TMEM132C: variants seen among roughly 807,000 people sequenced by gnomAD.
TMEM132C encodes the protein protein phosphatase 1, regulatory subunit 152.
A neutral mutation model predicts 61.4 loss-of-function variants in TMEM132C; 29 were observed. The ratio of observed to expected loss-of-function variants is 0.47; its 90% confidence interval spans 0.35 to 0.64. The LOEUF (loss-of-function observed/expected upper bound fraction) is 0.64, where lower values mean the gene tolerates loss of function less well. Ranked by LOEUF, TMEM132C falls within the 30% of genes least tolerant of loss-of-function variation. The pLI is 0.00. For synonymous variants in TMEM132C, 656 were observed against 633.1 expected (o/e 1.04, Z -0.54); for missense variants, 1,408 against 1,476.9 (o/e 0.95, Z 0.76).
intron 1 of TMEM132C, among the ~76,000 whole-genome samples, chr12:128,359,489 G>A (rs1188744829): frequency 6.6e-6 from 1 of 152,154 alleles, no homozygotes; most frequent in East Asian, 1.9e-4. Context: ...TGAGATTTGG[G>A]TGGCGACACA....
intron 1 of TMEM132C, among the ~76,000 whole-genome samples, chr12:128,325,511 C>T (rs2092126952): frequency 1.3e-5 from 2 of 152,056 alleles, no homozygotes; most frequent in African/African-American, 2.4e-5. Context: ...TGTATACATG[C>T]ATGTATATAC....
chr12:128,470,466 C>T (rs911416196), intron 2 of TMEM132C, among the ~76,000 whole-genome samples: 1 of 152,130 alleles, frequency 6.6e-6, no homozygotes, highest in Non-Finnish European at 1.5e-5. Context: ...TGCTACCTCT[C>T]GGTCTTGGTA....
chr12:128,501,026 T>G (rs1177398509), intron 2 of TMEM132C, among the ~76,000 whole-genome samples: 3 of 152,202 alleles, frequency 2.0e-5, no homozygotes, highest in African/African-American at 7.2e-5. Context: ...AAGCATTGAT[T>G]CCTGCTACAA....
chr12:128,604,827 T>TGGGA (rs1208697979), intron 3 of TMEM132C, among the ~76,000 whole-genome samples: 2 of 140,198 alleles, frequency 1.4e-5, no homozygotes, highest in Non-Finnish European at 3.3e-5. Flanking sequence ...GATGGATGGA[T>TGGGA]AATAGATGGA....
intron 1 of TMEM132C, among the ~76,000 whole-genome samples, chr12:128,367,456 AG>A (rs2135978083): frequency 6.6e-6 from 1 of 152,326 alleles, no homozygotes; most frequent in East Asian, 1.9e-4. Context: ...TCCACCCCAG[AG>A]GGTTGGAAAA....
chr12:128,422,809 C>A (rs1438608809), intron 2 of TMEM132C, among the ~76,000 whole-genome samples: 1 of 152,214 alleles, frequency 6.6e-6, no homozygotes, highest in Admixed American at 6.5e-5. Context: ...GCACCTCCAC[C>A]TCTGCTCCAG....
chr12:128,340,938 CTCTCTCTTTCTT>C (rs1282686803), intron 1 of TMEM132C, among the ~76,000 whole-genome samples: 3 of 124,882 alleles, frequency 2.4e-5, no homozygotes, highest in African/African-American at 7.8e-5. Flanking sequence ...CTCTCTCTCT[CTCTCTCTTTCTT>C]TCTTTCTTTC....
At chr12:128,286,062 CCTCTCT>C (rs138264526) in intron 1 of TMEM132C, among the ~76,000 whole-genome samples, 3 of 92,258 alleles carry the variant, frequency 3.3e-5, no homozygotes, top group African/African-American at 3.9e-5. Flanking sequence ...TCTCTCCCTT[CCTCTCT>C]CTCTCTCTCT....
At chr12:128,566,241 G>T (rs1874700066) in intron 3 of TMEM132C, among the ~76,000 whole-genome samples, 1 of 149,582 alleles carries the variant, frequency 6.7e-6, no homozygotes. Context: ...AGCTTTCAGA[G>T]TCCCTTGCAT....
intron 3 of TMEM132C, among the ~76,000 whole-genome samples, chr12:128,600,271 C>G (rs551368654): frequency 6.6e-6 from 1 of 152,088 alleles, no homozygotes; most frequent in Non-Finnish European, 1.5e-5. Context: ...TGTGAGCCAC[C>G]GCACCGGGCC....
At chr12:128,351,786 T>A (rs893742991) in intron 1 of TMEM132C, among the ~76,000 whole-genome samples, 2 of 152,104 alleles carry the variant, frequency 1.3e-5, no homozygotes, top group Non-Finnish European at 2.9e-5. Flanking sequence ...TCCAAACACC[T>A]CCTAGCAGGC....
At chr12:128,279,131 C>G (rs1420915019) in intron 1 of TMEM132C, among the ~76,000 whole-genome samples, 2 of 152,102 alleles carry the variant, frequency 1.3e-5, no homozygotes, top group East Asian at 3.9e-4. Flanking sequence ...AAGATCTAGT[C>G]CCAGGCAAAG....
intron 3 of TMEM132C, among the ~76,000 whole-genome samples, chr12:128,553,173 C>A (rs1874228457): frequency 6.6e-6 from 1 of 152,290 alleles, no homozygotes; most frequent in African/African-American, 2.4e-5. Flanking sequence ...GCAAAACAAT[C>A]TCATAATGTT....
At chr12:128,480,749 G>A (rs1871293170) in intron 2 of TMEM132C, among the ~76,000 whole-genome samples, 1 of 152,176 alleles carries the variant, frequency 6.6e-6, no homozygotes, top group African/African-American at 2.4e-5. Context: ...CCTCCCCCTG[G>A]GCCAGGCTGG....
At chr12:128,489,582 T>TATATATATATA (rs1565951312) in intron 2 of TMEM132C, among the ~76,000 whole-genome samples, 9 of 149,888 alleles carry the variant, frequency 6.0e-5, no homozygotes, top group Non-Finnish European at 8.9e-5. Flanking sequence ...TATATATATA[T>TATATATATATA]TCTGTCCACA....
intron 2 of TMEM132C, among the ~76,000 whole-genome samples, chr12:128,531,645 A>G (rs1289917655): frequency 6.6e-6 from 1 of 152,238 alleles, no homozygotes; most frequent in African/African-American, 2.4e-5. Context: ...TCTCTTAGGA[A>G]GTTGCAGTAG....
At position 128,366,796 on chromosome 12, in the gene TMEM132C, G is replaced by A. The variant is rs184110252; in HGVS notation, c.86-47936G>A. Among the ~76,000 whole-genome samples the A allele has an allele frequency of 3.2e-3, 483 of 152,288 alleles. 6 individuals carry two copies. Among genetic ancestry groups the A allele is most frequent in the Non-Finnish European group, 5.7e-4 (39 of 68,024 alleles). On this transcript the variant is annotated intron_variant, in intron 1 of 8. Transcript: ENST00000435159. ...TAATTAATATGCATGTATTAAGTACGTCTTATGTGCTGCGTGCAGAGTTAC... is the reference window on the plus strand; with the variant it reads ...TAATTAATATGCATGTATTAAGTACATCTTATGTGCTGCGTGCAGAGTTAC...
intron 2 of TMEM132C, among the ~76,000 whole-genome samples, chr12:128,510,803 C>T (rs574606383): frequency 3.3e-5 from 5 of 152,354 alleles, no homozygotes; most frequent in African/African-American, 9.6e-5. Context: ...CTCAGATGGG[C>T]GTGGATCACA....
At chr12:128,304,513 G>A (rs965259380) in intron 1 of TMEM132C, among the ~76,000 whole-genome samples, 3 of 152,136 alleles carry the variant, frequency 2.0e-5, no homozygotes, top group African/African-American at 7.2e-5. Flanking sequence ...GGAGGCTGAG[G>A]CAGGAGAATC....
Sources: allele counts gnomAD v4.1 joint callset (sites outside exome capture counted in the v4.1 genomes callset), GRCh38; gene constraint gnomAD v4.1.1; transcripts MANE v1.5; gene names NCBI Gene and HGNC (gene_info 2026-07-23, HGNC 2026-07-21).